SCFD2: variants seen among roughly 807,000 people sequenced by gnomAD.
The protein encoded by SCFD2 is sec1 family domain containing 2, also known as sec1 family domain-containing protein 2.
SCFD2 carries 54 observed loss-of-function variants against 58.9 expected under a neutral mutation model. The ratio of observed to expected loss-of-function variants is 0.92; its 90% CI spans 0.74 to 1.15. The LOEUF (loss-of-function observed/expected upper bound fraction) is 1.15, where lower values mean the gene tolerates loss of function less well. SCFD2 is among the 50% of genes most tolerant of loss of function. SCFD2 has a pLI of 0.00. For synonymous variants in SCFD2, 321 were observed against 335.9 expected, an observed-to-expected ratio of 0.96 and a Z score of 0.49; for missense variants, 805 against 836.6, an observed-to-expected ratio of 0.96 and a Z score of 0.47.
rs1560467810 is a variant in SCFD2 at position 53,365,745 on chromosome 4, C to G, written c.197G>C (p.Gly66Ala). 6.2e-7 allele frequency: 1 copy of G among 1,613,840 alleles called. No individual in the cohort carries two copies. The change falls in exon 1 of 9, where the codon GGT becomes GCT. Residue 66 changes from glycine to alanine, a missense_variant. Gly to Ala is a moderately conservative substitution (Grantham distance 60). Around this residue, in one of 3 missense-constraint regions of SCFD2, gnomAD observed 155 missense variants for 149.7 expected, o/e 1.04. Coordinates refer to ENST00000401642, the MANE Select transcript of SCFD2 (RefSeq NM_152540.4). This position sits in a 1 kb window ranked among gnomAD's most constrained non-coding sequence, Gnocchi z 4.3. ...CACTGCCTTGGGCTGCTTGGCTCCA[C>G]CACCAATTGCGTCGGGCTCGAACTC... ...LREFEPDAIG[G>A]GAKQPKAVFV...
At chr4:52,974,359 AT>A (rs1721194576) in intron 5 of SCFD2, among the ~76,000 whole-genome samples, 1 of 152,230 alleles carries the variant, frequency 6.6e-6, no homozygotes, top group African/African-American at 2.4e-5. Flanking sequence ...AATCACAAGC[AT>A]TCTTATACAC....
At chr4:53,071,380 G>C (rs1185914041) in intron 5 of SCFD2, among the ~76,000 whole-genome samples, 1 of 152,032 alleles carries the variant, frequency 6.6e-6, no homozygotes. Context: ...ACACATACAA[G>C]GTTACATATA....
intron 5 of SCFD2, among the ~76,000 whole-genome samples, chr4:53,097,093 T>C (rs2148871515): frequency 6.6e-6 from 1 of 152,340 alleles, no homozygotes; most frequent in South Asian, 2.1e-4. Context: ...TTGGTATGAG[T>C]ACCATGCTGT....
intron 4 of SCFD2, among the ~76,000 whole-genome samples, chr4:53,261,169 C>G (rs1730817433): frequency 1.3e-5 from 2 of 151,964 alleles, no homozygotes; most frequent in Non-Finnish European, 2.9e-5. Flanking sequence ...TCCAAAGAAC[C>G]AGCTTTTTGT....
chr4:52,972,418 G>C (rs559777420), intron 5 of SCFD2, among the ~76,000 whole-genome samples: 82 of 152,278 alleles, frequency 5.4e-4, no homozygotes, highest in Admixed American at 1.9e-3. Flanking sequence ...AAGAGACAAA[G>C]AAGGCCATTA....
chr4:53,030,432 T>G (rs1428872173), intron 5 of SCFD2, among the ~76,000 whole-genome samples: 1 of 152,120 alleles, frequency 6.6e-6, no homozygotes, highest in Non-Finnish European at 1.5e-5. Context: ...TCTAGCCTTT[T>G]TTTTTTTTGA....
At chr4:53,202,783 A>T (rs1352162729) in intron 4 of SCFD2, among the ~76,000 whole-genome samples, 1 of 151,966 alleles carries the variant, frequency 6.6e-6, no homozygotes, top group East Asian at 1.9e-4. Flanking sequence ...ATTCTCTTTG[A>T]AGCAATTGTG....
intron 5 of SCFD2, among the ~76,000 whole-genome samples, chr4:53,006,404 G>A (rs746059637): frequency 3.3e-5 from 5 of 152,068 alleles, no homozygotes; most frequent in Admixed American, 6.6e-5. Context: ...GTAGATATTC[G>A]CCTTTCATCA....
At chr4:53,103,934 G>T (rs6846933) in intron 5 of SCFD2, among the ~76,000 whole-genome samples, 59,240 of 145,316 alleles carry the variant, frequency 0.41, 12,343 homozygotes, top group Non-Finnish European at 0.44. Flanking sequence ...ACGTATTGGA[G>T]TATAACCCAA....
chr4:53,355,700 C>A (rs1734379679), intron 1 of SCFD2, among the ~76,000 whole-genome samples: 1 of 152,170 alleles, frequency 6.6e-6, no homozygotes, highest in Non-Finnish European at 1.5e-5. Flanking sequence ...ATTCCCTCAA[C>A]CTACCCCTCC....
chr4:53,029,735 A>G (rs2148817998), intron 5 of SCFD2, among the ~76,000 whole-genome samples: 1 of 152,344 alleles, frequency 6.6e-6, no homozygotes, highest in East Asian at 1.9e-4. Context: ...ATGGGGAAAA[A>G]TAATCTTTTC....
chr4:53,275,209 T>C (rs1731292670), intron 3 of SCFD2, among the ~76,000 whole-genome samples: 1 of 152,206 alleles, frequency 6.6e-6, no homozygotes, highest in African/African-American at 2.4e-5. Flanking sequence ...TAATAAATGG[T>C]TTTTGCTAAA....
intron 5 of SCFD2, among the ~76,000 whole-genome samples, chr4:53,033,945 C>A (rs1722689428): frequency 6.6e-6 from 1 of 152,192 alleles, no homozygotes; most frequent in Non-Finnish European, 1.5e-5. Flanking sequence ...TAGAGGGAAT[C>A]CTCCCTAACT....
chr4:53,194,310 T>G (rs1484501702), intron 4 of SCFD2, among the ~76,000 whole-genome samples: 1 of 152,178 alleles, frequency 6.6e-6, no homozygotes, highest in Admixed American at 6.5e-5. Context: ...CTATGTTAGC[T>G]TATACCTCTG....
At chr4:53,304,271 A>C (rs1732440771) in intron 3 of SCFD2, among the ~76,000 whole-genome samples, 1 of 151,712 alleles carries the variant, frequency 6.6e-6, no homozygotes. Flanking sequence ...TTTTTCCTTC[A>C]TTTCAACCTT....
intron 5 of SCFD2, among the ~76,000 whole-genome samples, chr4:52,921,416 C>T (rs1297126696): frequency 2.0e-5 from 3 of 152,110 alleles, no homozygotes; most frequent in Admixed American, 1.3e-4. Flanking sequence ...TTTTCTGCAA[C>T]CTTCTGTTTC....
At chr4:53,257,882 C>T (rs1730695624) in intron 4 of SCFD2, among the ~76,000 whole-genome samples, 1 of 151,408 alleles carries the variant, frequency 6.6e-6, no homozygotes, top group African/African-American at 2.4e-5. Context: ...TTAAAAAAAA[C>T]CTCATATTTA....
chr4:53,301,212 TAAAG>T (rs1212972873), intron 3 of SCFD2, among the ~76,000 whole-genome samples: 4 of 151,360 alleles, frequency 2.6e-5, no homozygotes, highest in Non-Finnish European at 2.9e-5. Flanking sequence ...GCAAGACTAA[TAAAG>T]AAGAAAAGAG....
At chr4:53,168,739 T>A (rs1344214670) in intron 4 of SCFD2, among the ~76,000 whole-genome samples, 1 of 152,198 alleles carries the variant, frequency 6.6e-6, no homozygotes, top group Non-Finnish European at 1.5e-5. Context: ...ATACTAATAA[T>A]TTTTTTGTGG....
Sources: allele counts gnomAD v4.1 joint callset (sites outside exome capture counted in the v4.1 genomes callset), GRCh38; gene constraint gnomAD v4.1.1; regional missense constraint gnomAD v4.1.1; non-coding constraint Gnocchi (gnomAD v3.1); transcripts MANE v1.5; gene names NCBI Gene and HGNC (gene_info 2026-07-23, HGNC 2026-07-21).